UBAC2: variants seen among roughly 807,000 people sequenced by gnomAD.
UBAC2 encodes UBA domain containing 2.
Under a neutral mutation model 44.0 loss-of-function variants are expected in UBAC2, and 26 were observed. That is an observed-to-expected ratio of 0.59 (90% CI 0.43 to 0.82). The LOEUF (loss-of-function observed/expected upper bound fraction) is 0.82, where lower values mean the gene tolerates loss of function less well. Among genes scored for constraint, UBAC2 ranks in the 40% least tolerant of loss-of-function variants. UBAC2 has a pLI of 0.00. For missense variants in UBAC2, 329 were observed against 419.4 expected (o/e 0.78, Z 1.88); for synonymous variants, 155 against 154.3 (o/e 1.00, Z -0.04).
chr13:99,364,217 TCATG>T (rs1228120224), intron 7 of UBAC2, among the ~76,000 whole-genome samples: 8 of 151,876 alleles, frequency 5.3e-5, no homozygotes, highest in Non-Finnish European at 1.0e-4. Context: ...TTTTGTCTCT[TCATG>T]AATGGGTATT....
In UBAC2 at chr13:99,344,108, T is replaced by C. The variant is rs185726166; in HGVS notation, c.807+3543T>C. 3.2e-4 allele frequency among the ~76,000 whole-genome samples: 49 copies of C among 152,364 alleles called. 1 individual carries two copies. The East Asian group carries it at 7.3e-3, about 23-fold the overall frequency. On this transcript the variant is annotated intron_variant, in intron 7 of 8. Coordinates refer to ENST00000403766, the MANE Select transcript of UBAC2 (RefSeq NM_001144072.2). ...ACCACCATTTATTTTGCCAGTCCTA[T>C]AGTAAGTACTCAGTATATGTTATCT...
At chr13:99,259,845 A>G (rs923114280) in intron 4 of UBAC2, among the ~76,000 whole-genome samples, 2 of 152,212 alleles carry the variant, frequency 1.3e-5, no homozygotes, top group African/African-American at 4.8e-5. Context: ...GCATGTGTCT[A>G]GAAGAGTCCT....
chr13:99,298,650 T>C (rs1044248735), intron 4 of UBAC2, among the ~76,000 whole-genome samples: 1 of 152,104 alleles, frequency 6.6e-6, no homozygotes, highest in Admixed American at 6.5e-5. Context: ...TAATGAAATA[T>C]AAAAGACAAT....
intron 7 of UBAC2, among the ~76,000 whole-genome samples, chr13:99,349,427 TAA>T (rs2045043063): frequency 6.6e-6 from 1 of 152,024 alleles, no homozygotes; most frequent in Middle Eastern, 3.2e-3. Flanking sequence ...GACAAAGAGA[TAA>T]AGAGAAAACA....
intron 6 of UBAC2, among the ~76,000 whole-genome samples, chr13:99,322,384 C>T (rs1362807005): frequency 2.0e-5 from 3 of 152,182 alleles, no homozygotes; most frequent in Admixed American, 6.5e-5. Flanking sequence ...AGTACTGAGT[C>T]ATTACCACAG....
At position 99,243,948 on chromosome 13, in the gene UBAC2, T is replaced by C; in HGVS notation, c.276T>C (p.Phe92=). 5 of 1,530,154 alleles carry C rather than the reference T, an allele frequency of 3.3e-6. No homozygotes were observed. The highest frequency in any genetic ancestry group is 4.4e-6 in the Non-Finnish European group (5 of 1,140,292). 94.8% of individuals were successfully genotyped at this position (1,530,154 alleles called of 1,614,324 possible). ...AAAGAAGATATGGAAGCAGAAAATT[T>C]GCAGTAAGTTTTTATGTATTTTGTC... ...IFERRYGSRK[F]ASFLLGSWVL... is the part of the protein sequence containing the mutation. The change falls in exon 3 of 9, where the codon TTT becomes TTC. Residue 92 remains phenylalanine, a synonymous_variant. Transcript: ENST00000403766.
intron 6 of UBAC2, among the ~76,000 whole-genome samples, chr13:99,322,805 G>T (rs1172743598): frequency 6.6e-6 from 1 of 152,202 alleles, no homozygotes; most frequent in Non-Finnish European, 1.5e-5. Flanking sequence ...GATGGTGCAA[G>T]ATTACAGAAG....
At chr13:99,222,580 G>T (rs2043062883) in intron 1 of UBAC2, among the ~76,000 whole-genome samples, 1 of 152,216 alleles carries the variant, frequency 6.6e-6, no homozygotes, top group African/African-American at 2.4e-5. Context: ...CTTATGGATT[G>T]ATGACAAATT....
intron 7 of UBAC2, among the ~76,000 whole-genome samples, chr13:99,349,386 G>A (rs565739593): frequency 5.9e-5 from 9 of 152,304 alleles, no homozygotes; most frequent in South Asian, 4.1e-4. Flanking sequence ...CCCCATGTGC[G>A]GAGATGAGAT....
At chr13:99,272,764 C>T (rs1482232261) in intron 4 of UBAC2, among the ~76,000 whole-genome samples, 1 of 152,128 alleles carries the variant, frequency 6.6e-6, no homozygotes, top group Non-Finnish European at 1.5e-5. Flanking sequence ...CCCAAAGGTC[C>T]TACCTCCAAA....
At chr13:99,215,581 C>T in intron 1 of UBAC2, 2 of 1,358,448 alleles carry the variant, frequency 1.5e-6, no homozygotes, top group Non-Finnish European at 2.1e-6. Flanking sequence ...GTGAGGTACT[C>T]CAGGATGGCT....
intron 7 of UBAC2, among the ~76,000 whole-genome samples, chr13:99,363,368 T>A (rs1056299185): frequency 1.3e-5 from 2 of 152,204 alleles, no homozygotes; most frequent in Non-Finnish European, 1.5e-5. Context: ...TGTGCATACT[T>A]TTGAATTTTG....
chr13:99,253,290 T>G (rs570662847), intron 4 of UBAC2, among the ~76,000 whole-genome samples: 3 of 152,214 alleles, frequency 2.0e-5, no homozygotes, highest in South Asian at 2.1e-4. Context: ...GAAAAATTGG[T>G]GTTTGACATG....
chr13:99,373,496 C>T (rs1328515469), intron 8 of UBAC2, among the ~76,000 whole-genome samples: 3 of 152,192 alleles, frequency 2.0e-5, no homozygotes, highest in Non-Finnish European at 4.4e-5. Context: ...CGGGGCTAAG[C>T]GCTGTGCTGA....
intron 4 of UBAC2, among the ~76,000 whole-genome samples, chr13:99,247,870 TC>T (rs2043407328): frequency 1.0e-5 from 1 of 99,614 alleles, no homozygotes. Flanking sequence ...ATTCTCTCTC[TC>T]TCTTTTTTTT....
At chr13:99,250,334 T>C (rs935319800) in intron 4 of UBAC2, among the ~76,000 whole-genome samples, 1 of 152,248 alleles carries the variant, frequency 6.6e-6, no homozygotes, top group Non-Finnish European at 1.5e-5. Flanking sequence ...CACCACTGTT[T>C]AGTTTTGTGA....
intron 4 of UBAC2, among the ~76,000 whole-genome samples, chr13:99,267,787 T>G (rs1271634115): frequency 6.6e-6 from 1 of 152,224 alleles, no homozygotes; most frequent in Non-Finnish European, 1.5e-5. Flanking sequence ...TGTTTGCTCA[T>G]CAGATTTGCA....
intron 1 of UBAC2, chr13:99,201,348 C>A: frequency 6.5e-7 from 1 of 1,546,368 alleles, no homozygotes. Flanking sequence ...CGAACTAACT[C>A]CCCCCGCCCC....
chr13:99,213,088 G>T (rs73565907), intron 1 of UBAC2, among the ~76,000 whole-genome samples: 23 of 151,352 alleles, frequency 1.5e-4, no homozygotes, highest in African/African-American at 4.9e-4. Flanking sequence ...TTTTTCTGAC[G>T]CATGTATATA....
Sources: allele counts gnomAD v4.1 joint callset (sites outside exome capture counted in the v4.1 genomes callset), GRCh38; gene constraint gnomAD v4.1.1; transcripts MANE v1.5; gene names NCBI Gene and HGNC (gene_info 2026-07-23, HGNC 2026-07-21).